Variants in PISD observed in about 807,000 individuals in gnomAD.
PISD encodes the protein phosphatidylserine decarboxylase proenzyme, mitochondrial.
A neutral mutation model predicts 43.5 loss-of-function variants in PISD; 31 were observed. That is an observed-to-expected ratio of 0.71 (90% confidence interval 0.54 to 0.96). The LOEUF (loss-of-function observed/expected upper bound fraction) is 0.96, where lower values mean the gene tolerates loss of function less well. Ranked by LOEUF, PISD falls within the 40% of genes least tolerant of loss-of-function variation. The pLI, the probability that PISD is intolerant of heterozygous loss-of-function variation, is 0.00. For missense variants in PISD, 523 were observed against 548.4 expected (o/e 0.95, Z 0.46); for synonymous variants, 259 against 228.7 (o/e 1.13, Z -1.20).
upstream of PISD, chr22:31,662,396 G>A (rs2074348672): frequency 1.6e-6 from 1 of 609,566 alleles, no homozygotes; most frequent in Non-Finnish European, 2.9e-6. Flanking sequence ...GGAACTAGTG[G>A]AGCTGTAGGT....
intron 1 of PISD, among the ~76,000 whole-genome samples, chr22:31,657,351 G>T (rs1156875312): frequency 6.6e-6 from 1 of 152,056 alleles, no homozygotes; most frequent in African/African-American, 2.4e-5. Context: ...TGGCCAGACT[G>T]ATCTTGAACT....
At position 31,619,242 on chromosome 22, in the gene PISD, G is replaced by C. The variant is rs1182439324; in HGVS notation, c.*370C>G. ...AAAGGGGCCAACAGAAAACAGCTCA[G>C]GTGATGGGGGGAGGAGCAGCAAGAA... is the stretch of plus-strand genomic sequence containing the variant. On this transcript the variant is annotated 3_prime_UTR_variant, in exon 8 of 8. Coordinates refer to ENST00000439502, the MANE Select transcript of PISD (RefSeq NM_001326411.2). 1 of 347,966 alleles carries C rather than the reference G, an allele frequency of 2.9e-6. No homozygotes were observed. The highest frequency in any genetic ancestry group is 5.6e-6 in the Non-Finnish European group (1 of 178,976). 21.6% of individuals were successfully genotyped at this position (347,966 alleles called of 1,614,324 possible).
chr22:31,633,300 A>G (rs2073282582), intron 3 of PISD, among the ~76,000 whole-genome samples: 1 of 152,104 alleles, frequency 6.6e-6, no homozygotes, highest in South Asian at 2.1e-4. Flanking sequence ...TCTACCTCCC[A>G]TGTGCTGAGA....
rs200501599 is a variant in PISD, at chr22:31,624,446, T to C, written c.322-2561A>G. Among the ~76,000 whole-genome samples the C allele has an allele frequency of 5.9e-5, 9 of 152,250 alleles. No individual in the cohort carries two copies. In the East Asian group the frequency reaches 1.5e-3, roughly 26 times the overall value. ...GTTCCAGGCCCCCCCTTTCCTCATC[T>C]GCTAAATTACGGGGCCAAGGCCAGA... On this transcript the variant is annotated intron_variant, in intron 3 of 7. Transcript: ENST00000439502.
intron 3 of PISD, among the ~76,000 whole-genome samples, chr22:31,631,613 A>T (rs1177323677): frequency 6.6e-6 from 1 of 152,168 alleles, no homozygotes; most frequent in Non-Finnish European, 1.5e-5. Context: ...GGAGGGCCCT[A>T]GTCTGCGGCT....
chr22:31,655,419 C>T (rs988504860), intron 1 of PISD, among the ~76,000 whole-genome samples: 3 of 151,896 alleles, frequency 2.0e-5, no homozygotes, highest in African/African-American at 7.3e-5. Flanking sequence ...GGGCTCAAGG[C>T]ATCCTCTCAC....
intron 3 of PISD, among the ~76,000 whole-genome samples, chr22:31,634,149 A>G (rs1273535504): frequency 6.6e-6 from 1 of 152,180 alleles, no homozygotes; most frequent in Non-Finnish European, 1.5e-5. Flanking sequence ...CAGGGAACAG[A>G]AGGTAGCTGC....
chr22:31,651,682 A>T (rs2147796118), intron 1 of PISD, among the ~76,000 whole-genome samples: 1 of 152,262 alleles, frequency 6.6e-6, no homozygotes, highest in East Asian at 1.9e-4. Flanking sequence ...CGGGAGGCAG[A>T]GGTTGAGATG....
intron 5 of PISD, 33 bp from the exon 6 acceptor site, chr22:31,621,175 A>G (rs1300450838): frequency 1.9e-6 from 3 of 1,613,768 alleles, no homozygotes; most frequent in Non-Finnish European, 2.5e-6. Flanking sequence ...GGGGCCACCA[A>G]CACAGTGAGC....
chr22:31,645,536 CTCTT>C (rs1424497336), intron 3 of PISD, among the ~76,000 whole-genome samples: 1 of 147,748 alleles, frequency 6.8e-6, no homozygotes, highest in Non-Finnish European at 1.5e-5. Flanking sequence ...GAAACCCTGT[CTCTT>C]TTTTTTTTTT....
chr22:31,659,187 C>T (rs1038164747), intron 1 of PISD, among the ~76,000 whole-genome samples: 2 of 152,112 alleles, frequency 1.3e-5, no homozygotes, highest in African/African-American at 4.8e-5. Flanking sequence ...CTAGTAGTAA[C>T]ATTTTGCCTA....
At chr22:31,631,734 G>A (rs1334436548) in intron 3 of PISD, among the ~76,000 whole-genome samples, 2 of 152,160 alleles carry the variant, frequency 1.3e-5, no homozygotes, top group African/African-American at 4.8e-5. Context: ...GGTCTGAGAG[G>A]GATCACCATT....
intron 1 of PISD, among the ~76,000 whole-genome samples, chr22:31,660,896 G>A (rs1446745981): frequency 6.6e-6 from 1 of 152,016 alleles, no homozygotes; most frequent in African/African-American, 2.4e-5. Flanking sequence ...ACCATGCCCG[G>A]CTAATTTTTG....
At chr22:31,634,655 T>C (rs1394843842) in intron 3 of PISD, among the ~76,000 whole-genome samples, 1 of 151,932 alleles carries the variant, frequency 6.6e-6, no homozygotes, top group African/African-American at 2.4e-5. Context: ...CTGGCCAACA[T>C]GGTGAAACCC....
In PISD at chr22:31,650,744, ATTG is replaced by A; in HGVS notation, c.97_99del (p.Gln33del). ...GGCAGCTTCCGTAAGGGCTGTAGGG[ATTG>A]GCTCAGGGCAGTGATCTCACAGGGA... On this transcript the variant is annotated inframe_deletion, in exon 2 of 8. Transcript: ENST00000439502. 3 of 1,556,252 alleles carry A rather than the reference ATTG, an allele frequency of 1.9e-6. No homozygotes were observed. The highest frequency in any genetic ancestry group is 2.6e-6 in the Non-Finnish European group (3 of 1,149,824).
intron 3 of PISD, among the ~76,000 whole-genome samples, chr22:31,636,906 G>A (rs2073459633): frequency 2.0e-5 from 3 of 151,538 alleles, no homozygotes; most frequent in South Asian, 4.2e-4. Context: ...TTGAACTCCT[G>A]ACCTCGTGAT....
chr22:31,661,943 C>T (rs1238865844), intron 1 of PISD, among the ~76,000 whole-genome samples: 1 of 152,222 alleles, frequency 6.6e-6, no homozygotes, highest in Non-Finnish European at 1.5e-5. Flanking sequence ...AAAGCGCGAG[C>T]TTCTAGGCCA....
At chr22:31,626,033 G>GGTCT in intron 3 of PISD, 4 of 1,431,548 alleles carry the variant, frequency 2.8e-6, no homozygotes, top group Non-Finnish European at 3.6e-6. Context: ...CAGACAGACA[G>GGTCT]GCACTGGTCA....
upstream of PISD, chr22:31,662,247 A>T (rs533550027): frequency 1.9e-6 from 3 of 1,585,628 alleles, no homozygotes; most frequent in South Asian, 3.3e-5. Flanking sequence ...CCCCCTTCAC[A>T]CGCTGGGCGC....
Sources: allele counts gnomAD v4.1 joint callset (sites outside exome capture counted in the v4.1 genomes callset), GRCh38; gene constraint gnomAD v4.1.1; transcripts MANE v1.5; gene names NCBI Gene and HGNC (gene_info 2026-07-23, HGNC 2026-07-21).